The following GMIP variants were observed in gnomAD, a reference collection of about 807,000 sequenced individuals.
GMIP encodes GEM-interacting protein.
A neutral mutation model predicts 105.3 loss-of-function variants in GMIP; 54 were observed. The observed-to-expected ratio is 0.51, with a 90% CI of 0.41 to 0.64. The LOEUF (loss-of-function observed/expected upper bound fraction) is 0.64. Ranked by LOEUF, GMIP falls within the 30% of genes least tolerant of loss-of-function variation. The probability of loss-of-function intolerance (pLI) is 0.00; values close to 1 mark genes in which losing one functional copy is unlikely to be tolerated. For missense variants in GMIP, 1,110 were observed against 1,319.4 expected (o/e 0.84, Z 2.46); for synonymous variants, 541 against 560.8 (o/e 0.96, Z 0.50).
Position 19,641,887 on chromosome 19 carries a change from T to C in GMIP, c.181-20A>G. On this transcript the variant is annotated intron_variant, in intron 3 of 20. Coordinates refer to ENST00000203556, the MANE Select transcript of GMIP (RefSeq NM_016573.4). ...GTTGGTCTGTGCGGGAGGGAGACAG[T>C]ATTCAGAAGCAAACAGGGCAGGGGC... 1 of 1,613,004 alleles carries C rather than the reference T, an allele frequency of 6.2e-7. No individual in the cohort carries two copies.
At position 19,637,869 on chromosome 19, in the gene GMIP, G is replaced by A; in HGVS notation, c.927+51C>T. The A allele has an allele frequency of 6.5e-7, 1 of 1,549,322 alleles. No individual in the cohort carries two copies. Among genetic ancestry groups the A allele is most frequent in the Non-Finnish European group, 8.7e-7 (1 of 1,143,964 alleles). ...TTAGGGGCGAGGAGTGGGGCACTCA[G>A]TCGGGGCCCCAACGGGGTGAGGGGA... is the stretch of plus-strand genomic sequence containing the variant. On this transcript the variant is annotated intron_variant, in intron 10 of 20. Coordinates refer to ENST00000203556, the MANE Select transcript of GMIP (RefSeq NM_016573.4). The surrounding 1 kb of genome is among the most constrained non-coding windows in gnomAD (Gnocchi z 6.7).
Position 19,640,094 on chromosome 19 carries a change from G to A in GMIP, c.528C>T (p.Asp176=). The A allele has an allele frequency of 6.3e-7, 1 of 1,598,646 alleles. No individual in the cohort carries two copies. The highest frequency in any genetic ancestry group is 2.2e-5 in the East Asian group (1 of 44,798). ...ACCCTGCCCCCCTCACCTGGTAGTA[G>A]TCTCTTTTCTGCTGGGCCACTGTCT... The part of the protein sequence containing the change: ...AMETVAQQKR[D]YYQPLAAKRT... The change falls in exon 7 of 21, where the codon GAC becomes GAT. Residue 176 remains aspartate, a synonymous_variant. Coordinates refer to ENST00000203556, the MANE Select transcript of GMIP (RefSeq NM_016573.4).
intron 4 of GMIP, among the ~76,000 whole-genome samples, chr19:19,641,113 C>T (rs1043875184): frequency 4.7e-5 from 7 of 150,256 alleles, no homozygotes; most frequent in African/African-American, 1.7e-4. Flanking sequence ...CGGAGTCTCG[C>T]TCTGTCGCTC....
chr19:19,641,738 G>A (rs1002212002), intron 4 of GMIP, 72 bp downstream of exon 4: 4 of 1,064,912 alleles, frequency 3.8e-6, no homozygotes, highest in African/African-American at 1.6e-5. Context: ...CATGGAACAG[G>A]GGATCAGTGG....
chr19:19,642,144 C>A (rs1027033453), intron 2 of GMIP, 93 bp from the exon 3 acceptor site: 1 of 725,626 alleles, frequency 1.4e-6, no homozygotes. Flanking sequence ...TGGCAAACAT[C>A]ACCTCTGTGG....
chr19:19,635,229 C>G lies in GMIP; in HGVS notation c.1561-16G>C, dbSNP rs1030883828. The G allele has an allele frequency of 5.6e-6, 9 of 1,604,590 alleles. No homozygotes were observed. The highest frequency in any genetic ancestry group is 7.7e-6 in the Non-Finnish European group (9 of 1,174,618). On this transcript the variant is annotated splice_polypyrimidine_tract_variant and intron_variant, in intron 15 of 20. Transcript: ENST00000203556. This position sits in a 1 kb window ranked among gnomAD's most constrained non-coding sequence, Gnocchi z 4.7. Reference sequence around the variant, plus strand: ...TCAGAAAGCACTGTGGGGAAGGTCACAGGGACAGGGAGGTCATTAGGGACC... The same window carrying G: ...TCAGAAAGCACTGTGGGGAAGGTCAGAGGGACAGGGAGGTCATTAGGGACC...
rs1431366445 is a variant in GMIP, at chr19:19,630,051, C to T, written c.2825G>A (p.Arg942Gln). 4.3e-6 allele frequency: 7 copies of T among 1,609,330 alleles called. No homozygotes were observed. Among genetic ancestry groups the T allele is most frequent in the Non-Finnish European group, 5.9e-6 (7 of 1,178,100 alleles). Reference sequence around the variant, plus strand: ...CTCGCTGTCCAATTTCGAGAGTAGCCGGGCTGTCTCCTGGGTAATCTCAAA... The same window carrying T: ...CTCGCTGTCCAATTTCGAGAGTAGCTGGGCTGTCTCCTGGGTAATCTCAAA... The part of the protein sequence containing the change: ...KHFEITQETA[R>Q]LLSKLDSEAV... The change falls in exon 21 of 21, where the codon CGG becomes CAG. Residue 942 changes from arginine (R) to glutamine (Q), a missense_variant. Around this residue, in one of 3 missense-constraint regions of GMIP, gnomAD observed 394 missense variants for 450.5 expected, o/e 0.87. Coordinates refer to ENST00000203556, the MANE Select transcript of GMIP (RefSeq NM_016573.4). This position sits in a 1 kb window ranked among gnomAD's most constrained non-coding sequence, Gnocchi z 4.8.
chr19:19,640,641 G>C (rs2061909376), intron 4 of GMIP, 70 bp from the exon 5 acceptor site: 1 of 1,542,110 alleles, frequency 6.5e-7, no homozygotes, highest in South Asian at 1.1e-5. Flanking sequence ...TAAGCCCCCA[G>C]ACCAGCCCAG....
chr19:19,634,377 G>T lies in GMIP; in HGVS notation c.2084+130C>A, dbSNP rs2061828229. On this transcript the variant is annotated intron_variant, in intron 18 of 20. Coordinates refer to ENST00000203556, the MANE Select transcript of GMIP (RefSeq NM_016573.4). The surrounding 1 kb of genome is among the most constrained non-coding windows in gnomAD (Gnocchi z 6.1). ...TCAGTACCCAAAGTTATGAATCATG[G>T]ATTAAGGTTCAGAGTTCAGAAAACA... 2 of 1,020,176 alleles carry T rather than the reference G, an allele frequency of 2.0e-6. No individual in the cohort carries two copies. The allele number at this position is 1,020,176 out of a possible 1,614,324, so 63.2% of individuals were successfully genotyped here.
rs776051913 is a variant in GMIP, at chr19:19,643,578, G to A, written c.-49C>T. The A allele has an allele frequency of 1.5e-5, 23 of 1,495,060 alleles. No homozygotes were observed. The South Asian group carries it at 1.8e-4, about 11-fold the overall frequency. 92.6% of individuals were successfully genotyped at this position (1,495,060 alleles called of 1,614,324 possible). A position where few individuals can be genotyped will look rare whatever the true frequency, so the allele number is the denominator to read the frequency against. ...CAGGGACCGGGATGGGGATGGGGTC[G>A]CGCGCCGGCGGGGCCGAGCCCCGAT... is the stretch of plus-strand genomic sequence containing the variant. On this transcript the variant is annotated 5_prime_UTR_variant, in exon 1 of 21. Coordinates refer to ENST00000203556, the MANE Select transcript of GMIP (RefSeq NM_016573.4).
intron 19 of GMIP, among the ~76,000 whole-genome samples, 178 bp downstream of exon 19, chr19:19,633,625 C>A (rs915605653): frequency 4.6e-5 from 7 of 152,204 alleles, no homozygotes; most frequent in Admixed American, 2.6e-4. Flanking sequence ...CCTTTTGTTA[C>A]ATCATCACTG....
rs765187070 is a variant in GMIP at position 19,630,545 on chromosome 19, G to A, written c.2473-8C>T. On this transcript the variant is annotated splice_region_variant and splice_polypyrimidine_tract_variant and intron_variant, in intron 19 of 20. Transcript: ENST00000203556. This position sits in a 1 kb window ranked among gnomAD's most constrained non-coding sequence, Gnocchi z 4.8. ...ACTCTGTGGAGTTGGAATCTGCAGG[G>A]AGAAACCCAAGAATGAGACCCCAAC... 3 of 1,612,282 alleles carry A rather than the reference G, an allele frequency of 1.9e-6. No homozygotes were observed. The South Asian group carries it at 3.3e-5, about 18-fold the overall frequency.
chr19:19,631,360 T>C, intron 19 of GMIP, among the ~76,000 whole-genome samples: 1 of 152,148 alleles, frequency 6.6e-6, no homozygotes, highest in East Asian at 1.9e-4. Context: ...AGGTGGTGCC[T>C]CTGAACTACT....
At chr19:19,641,103 C>T (rs564442394) in intron 4 of GMIP, among the ~76,000 whole-genome samples, 1 of 150,404 alleles carries the variant, frequency 6.6e-6, no homozygotes, top group Non-Finnish European at 1.5e-5. Flanking sequence ...ATTTTTGAGG[C>T]GGAGTCTCGC....
chr19:19,640,737 T>G (rs2061910323), intron 4 of GMIP, among the ~76,000 whole-genome samples, 166 bp from the exon 5 acceptor site: 1 of 152,104 alleles, frequency 6.6e-6, no homozygotes, highest in Non-Finnish European at 1.5e-5. Flanking sequence ...TTCACTGTTT[T>G]TTGTTTTTTA....
chr19:19,635,828 G>T lies in GMIP; in HGVS notation c.1328-107C>A, dbSNP rs1010819378. ...TTCCCAAGGGGTCAGAGGTCAGGAG[G>T]GGGATTGGACAGGTCAGTGGTTAAG... On this transcript the variant is annotated intron_variant, in intron 13 of 20. Coordinates refer to ENST00000203556, the MANE Select transcript of GMIP (RefSeq NM_016573.4). This position sits in a 1 kb window ranked among gnomAD's most constrained non-coding sequence, Gnocchi z 4.7. 30 of 915,684 alleles carry T rather than the reference G, an allele frequency of 3.3e-5. No individual in the cohort carries two copies. Among genetic ancestry groups the T allele is most frequent in the Admixed American group, 1.2e-4 (7 of 56,796 alleles). The allele number at this position is 915,684 out of a possible 1,614,324, so 56.7% of individuals were successfully genotyped here. A position where few individuals can be genotyped will look rare whatever the true frequency, so the allele number is the denominator to read the frequency against.
At position 19,640,630 on chromosome 19, in the gene GMIP, C is replaced by T. The variant is rs1002689684; in HGVS notation, c.239-59G>A. On this transcript the variant is annotated intron_variant, in intron 4 of 20. Coordinates refer to ENST00000203556, the MANE Select transcript of GMIP (RefSeq NM_016573.4). ...CCCTAGTCTGCTATGGATGTCTTCCCTAAGCCCCCAGACCAGCCCAGTGGC... is the reference window on the plus strand; with the variant it reads ...CCCTAGTCTGCTATGGATGTCTTCCTTAAGCCCCCAGACCAGCCCAGTGGC... The T allele has an allele frequency of 7.5e-6, 12 of 1,597,408 alleles. No homozygotes were observed. In the African/African-American group the frequency reaches 1.5e-4, roughly 20 times the overall value.
At chr19:19,631,028 C>T (rs574687360) in intron 19 of GMIP, among the ~76,000 whole-genome samples, 17 of 151,922 alleles carry the variant, frequency 1.1e-4, no homozygotes, top group Non-Finnish European at 1.8e-4. Flanking sequence ...TGGTGAAACT[C>T]CGTCTCTACT....
intron 19 of GMIP, among the ~76,000 whole-genome samples, chr19:19,632,610 T>C (rs2061808036): frequency 6.6e-6 from 1 of 152,210 alleles, no homozygotes. Flanking sequence ...CATTGTTTAA[T>C]CTGTAAATGA....
Sources: allele counts gnomAD v4.1 joint callset (sites outside exome capture counted in the v4.1 genomes callset), GRCh38; gene constraint gnomAD v4.1.1; regional missense constraint gnomAD v4.1.1; non-coding constraint Gnocchi (gnomAD v3.1); transcripts MANE v1.5; gene names NCBI Gene and HGNC (gene_info 2026-07-23, HGNC 2026-07-21).